Variants in CDH12 observed in about 807,000 individuals in gnomAD.
The protein encoded by CDH12 is cadherin-12.
Under a neutral mutation model 74.1 loss-of-function variants are expected in CDH12, and 41 were observed. The ratio of observed to expected loss-of-function variants is 0.55; its 90% CI spans 0.43 to 0.72. The LOEUF is 0.72. Among genes scored for constraint, CDH12 ranks in the 30% least tolerant of loss-of-function variants. CDH12 has a pLI of 0.00. For synonymous variants in CDH12, 399 were observed against 355.0 expected, an observed-to-expected ratio of 1.12 and a Z score of -1.39; for missense variants, 945 against 977.2, an observed-to-expected ratio of 0.97 and a Z score of 0.44.
Position 21,783,347 on chromosome 5 carries a change from G to A in CDH12, c.1393+11C>T, listed in dbSNP as rs1746015729. 2 of 1,610,176 alleles carry A rather than the reference G, an allele frequency of 1.2e-6. No homozygotes were observed. The highest frequency in any genetic ancestry group is 1.7e-6 in the Non-Finnish European group (2 of 1,177,094). ...GCAGTATAACATTGATTCTGTCCAT[G>A]CCATACTTACTAACTTTACTCGCAA... On this transcript the variant is annotated intron_variant, in intron 11 of 14. Coordinates refer to ENST00000382254, the MANE Select transcript of CDH12 (RefSeq NM_004061.5).
intron 1 of CDH12, among the ~76,000 whole-genome samples, chr5:22,598,801 C>T (rs982731117): frequency 6.6e-6 from 1 of 152,148 alleles, no homozygotes; most frequent in Non-Finnish European, 1.5e-5. Flanking sequence ...CACATATGCA[C>T]ACAGCCCTGT....
chr5:21,915,778 T>C (rs1265518093), intron 6 of CDH12, among the ~76,000 whole-genome samples: 3 of 151,448 alleles, frequency 2.0e-5, no homozygotes, highest in African/African-American at 4.9e-5. Flanking sequence ...CAAGTTACGC[T>C]CCATCCGCTA....
intron 3 of CDH12, among the ~76,000 whole-genome samples, chr5:22,246,583 G>T (rs917955790): frequency 1.3e-5 from 2 of 151,912 alleles, no homozygotes; most frequent in Non-Finnish European, 2.9e-5. Context: ...GCTCAATCTT[G>T]AAAAAGAAAA....
intron 1 of CDH12, among the ~76,000 whole-genome samples, chr5:22,712,582 T>C (rs1743345260): frequency 6.6e-6 from 1 of 152,184 alleles, no homozygotes; most frequent in Non-Finnish European, 1.5e-5. Flanking sequence ...CATAATGATA[T>C]GAAAATAACT....
chr5:21,996,813 C>T (rs1360513815), intron 5 of CDH12, among the ~76,000 whole-genome samples: 1 of 151,964 alleles, frequency 6.6e-6, no homozygotes, highest in African/African-American at 2.4e-5. Context: ...AAAAATTCCA[C>T]CAGAAAGCAT....
chr5:21,934,850 G>T (rs1476011461), intron 6 of CDH12, among the ~76,000 whole-genome samples: 1 of 151,824 alleles, frequency 6.6e-6, no homozygotes, highest in Non-Finnish European at 1.5e-5. Flanking sequence ...GCAGTGGCGC[G>T]ATCTTGGCTC....
chr5:21,814,860 CCTT>C (rs70957067), intron 9 of CDH12, among the ~76,000 whole-genome samples: 5,021 of 151,350 alleles, frequency 0.033, 123 homozygotes, highest in Non-Finnish European at 0.054. Context: ...TTGTTGGAGA[CCTT>C]CTTAGGGAAA....
At chr5:22,021,435 AAAGTACCGAGGC>A (rs1460252149) in intron 5 of CDH12, among the ~76,000 whole-genome samples, 2 of 152,188 alleles carry the variant, frequency 1.3e-5, no homozygotes, top group African/African-American at 4.8e-5. Flanking sequence ...TGACCTAGGG[AAAGTACCGAGGC>A]ATCAAGACTA....
intron 2 of CDH12, among the ~76,000 whole-genome samples, chr5:22,421,661 T>A (rs1316082337): frequency 6.6e-6 from 1 of 152,218 alleles, no homozygotes; most frequent in Non-Finnish European, 1.5e-5. Context: ...TGTACATGTG[T>A]CTTTATAGCA....
chr5:22,420,262 G>A (rs1436264529), intron 2 of CDH12, among the ~76,000 whole-genome samples: 1 of 152,072 alleles, frequency 6.6e-6, no homozygotes, highest in African/African-American at 2.4e-5. Context: ...TCTATGTCCT[G>A]AATGGTATGG....
chr5:22,781,972 T>C (rs1747405740), intron 1 of CDH12, among the ~76,000 whole-genome samples: 1 of 152,190 alleles, frequency 6.6e-6, no homozygotes, highest in African/African-American at 2.4e-5. Context: ...ACATGGGGAC[T>C]GTGGCCCCTT....
chr5:22,779,182 G>A (rs185122862), intron 1 of CDH12, among the ~76,000 whole-genome samples: 11 of 151,380 alleles, frequency 7.3e-5, no homozygotes, highest in South Asian at 6.2e-4. Flanking sequence ...CTGCTCCTTC[G>A]GCAATAGCAC....
chr5:22,110,993 A>G (rs556772704), intron 4 of CDH12, among the ~76,000 whole-genome samples: 1 of 152,296 alleles, frequency 6.6e-6, no homozygotes, highest in South Asian at 2.1e-4. Context: ...TTCTCACTGT[A>G]TAGTTTTCAC....
intron 3 of CDH12, among the ~76,000 whole-genome samples, chr5:22,256,263 G>C (rs1402158899): frequency 6.6e-6 from 1 of 151,960 alleles, no homozygotes; most frequent in African/African-American, 2.4e-5. Context: ...ACAGTGTTCT[G>C]GTCAATGACA....
chr5:21,775,746 A>G (rs1393537043), intron 11 of CDH12, among the ~76,000 whole-genome samples: 1 of 152,044 alleles, frequency 6.6e-6, no homozygotes, highest in African/African-American at 2.4e-5. Context: ...ATAATTACTT[A>G]TTATATTCTT....
chr5:22,846,257 G>T lies in CDH12; in HGVS notation c.-523+6801C>A, dbSNP rs114440511. Among the ~76,000 whole-genome samples, 514 of 152,288 alleles carry T rather than the reference G, an allele frequency of 3.4e-3. 3 individuals carry two copies. The highest frequency in any genetic ancestry group is 0.012 in the African/African-American group (479 of 41,582). On this transcript the variant is annotated intron_variant, in intron 1 of 14. Coordinates refer to ENST00000382254, the MANE Select transcript of CDH12 (RefSeq NM_004061.5). ...GTTTTGAACAAGTTGGGTTTCAAGT[G>T]ACTGTTAGATTCCTAGATAGAAATA...
intron 6 of CDH12, among the ~76,000 whole-genome samples, chr5:21,930,470 A>G (rs899868452): frequency 5.3e-5 from 8 of 152,194 alleles, no homozygotes; most frequent in Non-Finnish European, 4.4e-5. Flanking sequence ...ATTTCCCATC[A>G]TGCCTTTTGG....
At chr5:22,584,207 C>T (rs1174790593) in intron 1 of CDH12, among the ~76,000 whole-genome samples, 5 of 152,186 alleles carry the variant, frequency 3.3e-5, no homozygotes, top group South Asian at 4.1e-4. Flanking sequence ...TCAAGGGATT[C>T]TCCTGCCTCA....
At chr5:22,311,712 A>C (rs928300322) in intron 3 of CDH12, among the ~76,000 whole-genome samples, 4 of 151,590 alleles carry the variant, frequency 2.6e-5, no homozygotes, top group African/African-American at 9.7e-5. Flanking sequence ...CAAAAAAAAA[A>C]AAAAAAAAAA....
Sources: gnomAD v4.1 joint callset for allele counts (sites outside exome capture counted in the v4.1 genomes callset) on GRCh38, gnomAD v4.1.1 for gene constraint, MANE v1.5 for transcripts, NCBI Gene and HGNC (gene_info 2026-07-23, HGNC 2026-07-21) for gene names.